The following LGR5 variants were observed in gnomAD, a reference collection of about 807,000 sequenced individuals.
LGR5 encodes leucine-rich repeat-containing G protein-coupled receptor 5.
LGR5 carries 54 observed loss-of-function variants against 76.7 expected under a neutral mutation model. That is an observed-to-expected ratio of 0.70 (90% CI 0.57 to 0.88). The LOEUF (loss-of-function observed/expected upper bound fraction) is 0.88. Among genes scored for constraint, LGR5 ranks in the 40% least tolerant of loss-of-function variants. The pLI is 0.00. For missense variants in LGR5, 1,078 were observed against 1,073.3 expected (o/e 1.00, Z -0.06); for synonymous variants, 406 against 421.9 (o/e 0.96, Z 0.46).
In LGR5 at chr12:71,445,212, C is replaced by T. The variant is rs372376079; in HGVS notation, c.212+4920C>T. 1.0e-3 allele frequency among the ~76,000 whole-genome samples: 156 copies of T among 152,286 alleles called. 1 individual carries two copies. In the South Asian group the frequency reaches 0.02, roughly 20 times the overall value. On this transcript the variant is annotated intron_variant, in intron 1 of 17. Transcript: ENST00000266674. ...TGAAGTCTTCATGAGAAGACAAATT[C>T]CTTCCTATAAGATTCAAATTCCTCA...
chr12:71,531,711 T>G (rs1038147703), intron 3 of LGR5, among the ~76,000 whole-genome samples: 1 of 152,062 alleles, frequency 6.6e-6, no homozygotes, highest in Non-Finnish European at 1.5e-5. Context: ...CTGCTAAAAA[T>G]ATAAAAATTA....
chr12:71,505,467 G>A (rs766162830), intron 2 of LGR5, among the ~76,000 whole-genome samples: 59 of 152,054 alleles, frequency 3.9e-4, no homozygotes, highest in Admixed American at 7.9e-4. Context: ...GGCACCATCA[G>A]TTGAGTCAAT....
intron 1 of LGR5, among the ~76,000 whole-genome samples, chr12:71,475,694 G>A (rs965798285): frequency 6.6e-6 from 1 of 152,148 alleles, no homozygotes; most frequent in Non-Finnish European, 1.5e-5. Context: ...CAGTTTAAGT[G>A]TCAGGGCCTC....
rs1875238456 is a variant in LGR5, at chr12:71,512,971, T to C, written c.284+8286T>C. 3.9e-5 allele frequency among the ~76,000 whole-genome samples: 6 copies of C among 152,300 alleles called. No individual in the cohort carries two copies. The South Asian group carries it at 1.0e-3, about 26-fold the overall frequency. ...CCTGAGAGAGAAACTTGAGAGAGGC[T>C]CTGTGTTTCCCAGTGTAGTTTTTCA... On this transcript the variant is annotated intron_variant, in intron 2 of 17. Transcript: ENST00000266674.
chr12:71,442,686 G>C (rs1871818845), intron 1 of LGR5, among the ~76,000 whole-genome samples: 1 of 152,186 alleles, frequency 6.6e-6, no homozygotes, highest in Admixed American at 6.5e-5. Flanking sequence ...GATGCCCTTT[G>C]AGCAGGTATT....
intron 2 of LGR5, among the ~76,000 whole-genome samples, chr12:71,512,358 T>C (rs1340604345): frequency 6.6e-6 from 1 of 152,220 alleles, no homozygotes; most frequent in African/African-American, 2.4e-5. Context: ...GAATTAATCA[T>C]TGTTTCTGGG....
chr12:71,482,556 T>G (rs1592478141), intron 1 of LGR5, among the ~76,000 whole-genome samples: 1 of 151,526 alleles, frequency 6.6e-6, no homozygotes, highest in Non-Finnish European at 1.5e-5. Context: ...ACATTCTGAG[T>G]TAGTAGGGGT....
chr12:71,573,007 G>A, intron 13 of LGR5, 86 bp downstream of exon 13: 1 of 977,162 alleles, frequency 1.0e-6, no homozygotes, highest in Non-Finnish European at 1.6e-6. Flanking sequence ...TTTTCATTGT[G>A]TACTATTGTG....
At chr12:71,448,138 C>T (rs898207055) in intron 1 of LGR5, among the ~76,000 whole-genome samples, 3 of 150,232 alleles carry the variant, frequency 2.0e-5, no homozygotes, top group South Asian at 4.2e-4. Flanking sequence ...ACCTTACATG[C>T]GTGCCTTCTT....
At chr12:71,570,206 G>A (rs11178853) in intron 11 of LGR5, among the ~76,000 whole-genome samples, 28,980 of 152,076 alleles carry the variant, frequency 0.19, 3,139 homozygotes, top group East Asian at 0.44. Flanking sequence ...TAATGCGTCC[G>A]GGGCTTAATA....
At chr12:71,518,083 G>A (rs1875533600) in intron 2 of LGR5, among the ~76,000 whole-genome samples, 1 of 151,916 alleles carries the variant, frequency 6.6e-6, no homozygotes, top group Admixed American at 6.6e-5. Flanking sequence ...CTTTAAAAGG[G>A]TCCCATTGAA....
At chr12:71,567,944 G>A (rs1198249733) in intron 11 of LGR5, among the ~76,000 whole-genome samples, 1 of 152,108 alleles carries the variant, frequency 6.6e-6, no homozygotes, top group Non-Finnish European at 1.5e-5. Context: ...AAAGAAGCGA[G>A]TTTGAATTCA....
At chr12:71,512,699 T>C (rs1298274277) in intron 2 of LGR5, among the ~76,000 whole-genome samples, 1 of 152,158 alleles carries the variant, frequency 6.6e-6, no homozygotes, top group Admixed American at 6.5e-5. Context: ...AATAGGGTTA[T>C]GAAATCGGGT....
At chr12:71,578,551 C>T (rs748287250) in intron 14 of LGR5, among the ~76,000 whole-genome samples, 3 of 152,058 alleles carry the variant, frequency 2.0e-5, no homozygotes, top group Non-Finnish European at 4.4e-5. Flanking sequence ...TTAGATGTCC[C>T]CACCTGAAAA....
chr12:71,561,121 GAA>G (rs1878036557), intron 7 of LGR5, among the ~76,000 whole-genome samples: 1 of 152,130 alleles, frequency 6.6e-6, no homozygotes, highest in African/African-American at 2.4e-5. Context: ...TTGTTTATAA[GAA>G]AAACCCTTAG....
chr12:71,481,803 T>C (rs1188112068), intron 1 of LGR5, among the ~76,000 whole-genome samples: 6 of 152,160 alleles, frequency 3.9e-5, no homozygotes, highest in African/African-American at 1.4e-4. Context: ...TTAAAACTTT[T>C]AGAAGATTTT....
At chr12:71,480,752 T>C (rs1228670171) in intron 1 of LGR5, among the ~76,000 whole-genome samples, 1 of 152,154 alleles carries the variant, frequency 6.6e-6, no homozygotes, top group Non-Finnish European at 1.5e-5. Flanking sequence ...CAACAGCTGA[T>C]GAGATCCTTT....
chr12:71,444,870 A>G (rs1463256130), intron 1 of LGR5, among the ~76,000 whole-genome samples: 2 of 152,190 alleles, frequency 1.3e-5, no homozygotes, highest in African/African-American at 2.4e-5. Flanking sequence ...CAATAAAGCT[A>G]TCAAAATTAA....
At chr12:71,551,129 C>T (rs1362128831) in intron 4 of LGR5, among the ~76,000 whole-genome samples, 1 of 152,202 alleles carries the variant, frequency 6.6e-6, no homozygotes, top group African/African-American at 2.4e-5. Context: ...TGGGGTATGA[C>T]ACCCAACTCT....
Sources: allele counts gnomAD v4.1 joint callset (sites outside exome capture counted in the v4.1 genomes callset), GRCh38; gene constraint gnomAD v4.1.1; transcripts MANE v1.5; gene names NCBI Gene and HGNC (gene_info 2026-07-23, HGNC 2026-07-21).